DYNC1H1: variants seen among roughly 807,000 people sequenced by gnomAD.
The protein encoded by DYNC1H1 is cytoplasmic dynein 1 heavy chain 1.
A neutral mutation model predicts 527.1 loss-of-function variants in DYNC1H1; 51 were observed. That is an observed-to-expected ratio of 0.10 (90% confidence interval 0.08 to 0.12). The LOEUF (loss-of-function observed/expected upper bound fraction) is 0.12, where lower values mean the gene tolerates loss of function less well. Among genes scored for constraint, DYNC1H1 ranks in the 10% least tolerant of loss-of-function variants. The pLI, the probability that DYNC1H1 is intolerant of heterozygous loss-of-function variation, is 1.00. For missense variants in DYNC1H1, 2,771 were observed against 5,971.8 expected (o/e 0.46, Z 17.66); for synonymous variants, 2,189 against 2,278.8 (o/e 0.96, Z 1.12).
intron 44 of DYNC1H1, chr14:102,026,913 C>T: frequency 1.2e-6 from 1 of 802,894 alleles, no homozygotes; most frequent in Non-Finnish European, 2.0e-6. Flanking sequence ...CCTCCCCCAG[C>T]ACTGCATACC....
Position 102,049,035 on chromosome 14 carries a change from G to A in DYNC1H1, c.13372+366G>A, listed in dbSNP as rs2048767171. 2.4e-6 allele frequency: 1 copy of A among 424,674 alleles called. No individual in the cohort carries two copies. The highest frequency in any genetic ancestry group is 3.6e-5 in the Admixed American group (1 of 27,798). The allele number at this position is 424,674 out of a possible 1,614,324, so 26.3% of individuals were successfully genotyped here. A position where few individuals can be genotyped will look rare whatever the true frequency, so the allele number is the denominator to read the frequency against. On this transcript the variant is annotated intron_variant, in intron 74 of 77. Coordinates refer to ENST00000360184, the MANE Select transcript of DYNC1H1 (RefSeq NM_001376.5). The surrounding 1 kb of genome is among the most constrained non-coding windows in gnomAD (Gnocchi z 5.5). ...TCCCCCAGGACAGTGGAAAAGCAGG[G>A]GCAGGCGGGCATGGGGGGCTCATCC... is the stretch of plus-strand genomic sequence containing the variant.
rs1199222996 is a variant in DYNC1H1 at position 102,010,066 on chromosome 14, C to A, written c.6201C>A (p.Asn2067Lys). Residue 2067 changes from asparagine (N) to lysine (K), a missense_variant, in exon 30 of 78, where the codon AAC becomes AAA. Asn to Lys is a moderately conservative substitution (Grantham distance 94). Around this residue, in one of 32 missense-constraint regions of DYNC1H1, gnomAD observed 19 missense variants for 90.4 expected, o/e 0.21. Transcript: ENST00000360184. This position sits in a 1 kb window ranked among gnomAD's most constrained non-coding sequence, Gnocchi z 6.0. ...QGFRTAEVLA[N>K]KIVPFFKLCD... Reference sequence around the variant, plus strand: ...TCCGCACTGCTGAAGTGCTTGCCAACAAAATCGTCCCGTTTTTTAAGTAAG... The same window carrying A: ...TCCGCACTGCTGAAGTGCTTGCCAAAAAAATCGTCCCGTTTTTTAAGTAAG... The A allele has an allele frequency of 1.2e-6, 2 of 1,613,846 alleles. No individual in the cohort carries two copies.
chr14:102,013,942 G>A (rs1013763224), intron 34 of DYNC1H1, among the ~76,000 whole-genome samples: 3 of 152,152 alleles, frequency 2.0e-5, no homozygotes, highest in Non-Finnish European at 4.4e-5. Context: ...AGGATGATGC[G>A]AGGTTTCTGG....
Position 102,054,589 on chromosome 14 carries a change from G to C in DYNC1H1, c.*4026G>C, listed in dbSNP as rs1362641523. The C allele has an allele frequency of 8.6e-6, 1 of 115,702 alleles. No individual in the cohort carries two copies. The allele number at this position is 115,702 out of a possible 1,614,324, so 7.2% of individuals were successfully genotyped here. A position where few individuals can be genotyped will look rare whatever the true frequency, so the allele number is the denominator to read the frequency against. ...CTTTTTTTTTTTTTTTTTTTTTTGA[G>C]ACGGAGTCTTGCTCTGTCGCCCAGG... On this transcript the variant is annotated 3_prime_UTR_variant, in exon 78 of 78. Coordinates refer to ENST00000360184, the MANE Select transcript of DYNC1H1 (RefSeq NM_001376.5).
Position 102,038,360 on chromosome 14 carries a change from G to T in DYNC1H1, c.10909-100G>T. On this transcript the variant is annotated intron_variant, in intron 57 of 77. Transcript: ENST00000360184. The surrounding 1 kb of genome is among the most constrained non-coding windows in gnomAD (Gnocchi z 7.2). ...CACACGCAAGTGGCGGGTGGCTTTTGGGAAGGTATGCTTATCCAGAGTAGG... is the reference window on the plus strand; with the variant it reads ...CACACGCAAGTGGCGGGTGGCTTTTTGGAAGGTATGCTTATCCAGAGTAGG... The T allele has an allele frequency of 6.5e-7, 1 of 1,536,750 alleles. No homozygotes were observed. Among genetic ancestry groups the T allele is most frequent in the Non-Finnish European group, 8.7e-7 (1 of 1,145,250 alleles).
At chr14:102,008,962 A>G (rs1299537452) in intron 29 of DYNC1H1, among the ~76,000 whole-genome samples, 1 of 152,210 alleles carries the variant, frequency 6.6e-6, no homozygotes, top group Non-Finnish European at 1.5e-5. Flanking sequence ...GGTCTTTGCC[A>G]CGGGATGAGC....
rs775512762 is a variant in DYNC1H1 at position 102,034,286 on chromosome 14, G to A, written c.10627-39G>A. The A allele has an allele frequency of 1.9e-6, 3 of 1,614,220 alleles. No individual in the cohort carries two copies. In the East Asian group the frequency reaches 6.7e-5, roughly 36 times the overall value. Reference sequence around the variant, plus strand: ...AGTCTTGAGAACAGTCCCATCTGTGGCTGTGAAGAGGAGGAAAGGTAACGG... The same window carrying A: ...AGTCTTGAGAACAGTCCCATCTGTGACTGTGAAGAGGAGGAAAGGTAACGG... On this transcript the variant is annotated intron_variant, in intron 55 of 77. Transcript: ENST00000360184.
Position 101,983,354 on chromosome 14 carries a change from A to T in DYNC1H1, c.1234-28A>T. On this transcript the variant is annotated intron_variant, in intron 6 of 77. Coordinates refer to ENST00000360184, the MANE Select transcript of DYNC1H1 (RefSeq NM_001376.5). The surrounding 1 kb of genome is among the most constrained non-coding windows in gnomAD (Gnocchi z 5.3). ...TGAGATGAAAATATGTCTTAATAAT[A>T]AGCCTCACTTTTGAAATTATATCCT... The T allele has an allele frequency of 6.2e-7, 1 of 1,614,084 alleles. No homozygotes were observed. Among genetic ancestry groups the T allele is most frequent in the Non-Finnish European group, 8.5e-7 (1 of 1,179,928 alleles).
chr14:102,011,700 T>G lies in DYNC1H1; in HGVS notation c.6619-175T>G. 1.5e-6 allele frequency: 1 copy of G among 659,576 alleles called. No individual in the cohort carries two copies. Among genetic ancestry groups the G allele is most frequent in the Non-Finnish European group, 2.6e-6 (1 of 377,538 alleles). 40.9% of individuals were successfully genotyped at this position (659,576 alleles called of 1,614,324 possible). A position where few individuals can be genotyped will look rare whatever the true frequency, so the allele number is the denominator to read the frequency against. On this transcript the variant is annotated intron_variant, in intron 32 of 77. Coordinates refer to ENST00000360184, the MANE Select transcript of DYNC1H1 (RefSeq NM_001376.5). This position sits in a 1 kb window ranked among gnomAD's most constrained non-coding sequence, Gnocchi z 5.3. ...CTGGGAGGTGGAGCTTGCGGTGAGCTGAGATCGTGCCACTGCATTCCAGTC... is the reference window on the plus strand; with the variant it reads ...CTGGGAGGTGGAGCTTGCGGTGAGCGGAGATCGTGCCACTGCATTCCAGTC...
chr14:101,972,312 C>A (rs2047748271), intron 1 of DYNC1H1, among the ~76,000 whole-genome samples: 1 of 151,942 alleles, frequency 6.6e-6, no homozygotes, highest in Non-Finnish European at 1.5e-5. Flanking sequence ...AAATGGGAGT[C>A]AGACATACTC....
Position 102,027,357 on chromosome 14 carries a change from G to T in DYNC1H1, c.8887-26G>T. On this transcript the variant is annotated intron_variant, in intron 45 of 77. Transcript: ENST00000360184. This position sits in a 1 kb window ranked among gnomAD's most constrained non-coding sequence, Gnocchi z 7.7. ...GTGCAGAGCTCAGTGAGTAGGAATG[G>T]ACCTAACTTGCCTCTGCTTCTGTAG... The T allele has an allele frequency of 6.2e-7, 1 of 1,614,076 alleles. No individual in the cohort carries two copies. The highest frequency in any genetic ancestry group is 1.1e-5 in the South Asian group (1 of 91,066).
intron 16 of DYNC1H1, among the ~76,000 whole-genome samples, chr14:101,999,213 G>A (rs1322847080): frequency 6.6e-6 from 1 of 152,066 alleles, no homozygotes; most frequent in Non-Finnish European, 1.5e-5. Flanking sequence ...GTCTCACTGT[G>A]TCGCCCAGGC....
At chr14:102,037,946 G>C in intron 57 of DYNC1H1, 1 of 271,846 alleles carries the variant, frequency 3.7e-6, no homozygotes, top group Non-Finnish European at 7.1e-6. Flanking sequence ...TGTCCAGTGT[G>C]GTAGCCACTA....
chr14:102,012,565 A>G lies in DYNC1H1; in HGVS notation c.7014+95A>G. On this transcript the variant is annotated intron_variant, in intron 34 of 77. Coordinates refer to ENST00000360184, the MANE Select transcript of DYNC1H1 (RefSeq NM_001376.5). This position sits in a 1 kb window ranked among gnomAD's most constrained non-coding sequence, Gnocchi z 4.9. ...AGTGCAGCTCTGGAGTCATGGACCCAGATTCCATGGAGTAGTGATCATTGT... is the reference window on the plus strand; with the variant it reads ...AGTGCAGCTCTGGAGTCATGGACCCGGATTCCATGGAGTAGTGATCATTGT... The G allele has an allele frequency of 2.6e-6, 4 of 1,518,340 alleles. No homozygotes were observed. In the East Asian group the frequency reaches 9.0e-5, roughly 34 times the overall value. 94.1% of individuals were successfully genotyped at this position (1,518,340 alleles called of 1,614,324 possible). A position where few individuals can be genotyped will look rare whatever the true frequency, so the allele number is the denominator to read the frequency against.
intron 77 of DYNC1H1, 36 bp from the exon 78 acceptor site, chr14:102,050,399 C>A (rs1402328300): frequency 6.2e-7 from 1 of 1,614,058 alleles, no homozygotes; most frequent in Non-Finnish European, 8.5e-7. Context: ...TCTTACTTTT[C>A]CCTTAAGCCA....
At chr14:101,999,605 T>C (rs1404608641) in intron 16 of DYNC1H1, among the ~76,000 whole-genome samples, 1 of 152,178 alleles carries the variant, frequency 6.6e-6, no homozygotes, top group Non-Finnish European at 1.5e-5. Flanking sequence ...GCTGGGTAAC[T>C]GATGTAACAA....
intron 42 of DYNC1H1, among the ~76,000 whole-genome samples, chr14:102,022,484 C>T (rs1420341181): frequency 3.5e-5 from 5 of 144,568 alleles, no homozygotes; most frequent in South Asian, 2.2e-4. Flanking sequence ...CCAGCCTTGG[C>T]GACAGAGAGA....
chr14:102,017,331 A>G lies in DYNC1H1; in HGVS notation c.8055+37A>G. On this transcript the variant is annotated intron_variant, in intron 39 of 77. Transcript: ENST00000360184. This position sits in a 1 kb window ranked among gnomAD's most constrained non-coding sequence, Gnocchi z 4.6. The stretch of plus-strand genomic sequence containing the variant: ...TCCACAAGGCCCTTCCTGCCCCACA[A>G]TGTTTCTTGTTCAAGTTTTGCTCTT... The G allele has an allele frequency of 1.9e-6, 3 of 1,614,180 alleles. No homozygotes were observed. Among genetic ancestry groups the G allele is most frequent in the South Asian group, 2.2e-5 (2 of 91,090 alleles).
intron 9 of DYNC1H1, among the ~76,000 whole-genome samples, chr14:101,988,218 T>C (rs2047957623): frequency 6.6e-6 from 1 of 152,214 alleles, no homozygotes; most frequent in Non-Finnish European, 1.5e-5. Context: ...TTCCTTGCTT[T>C]CCTTATGATT....
Sources: allele counts gnomAD v4.1 joint callset (sites outside exome capture counted in the v4.1 genomes callset), GRCh38; gene constraint gnomAD v4.1.1; regional missense constraint gnomAD v4.1.1; non-coding constraint Gnocchi (gnomAD v3.1); transcripts MANE v1.5; gene names NCBI Gene and HGNC (gene_info 2026-07-23, HGNC 2026-07-21).